RALGPS1: variants seen among roughly 807,000 people sequenced by gnomAD.
RALGPS1 encodes ras-specific guanine nucleotide-releasing factor RalGPS1.
A neutral mutation model predicts 78.8 loss-of-function variants in RALGPS1; 19 were observed. The observed-to-expected ratio is 0.24, with a 90% CI of 0.17 to 0.35. The LOEUF (loss-of-function observed/expected upper bound fraction) is 0.35. RALGPS1 is among the 10% of genes least tolerant of loss of function. The probability of loss-of-function intolerance (pLI) is 1.00; values close to 1 mark genes in which losing one functional copy is unlikely to be tolerated. For missense variants in RALGPS1, 454 were observed against 688.3 expected (o/e 0.66, Z 3.81); for synonymous variants, 228 against 256.3 (o/e 0.89, Z 1.06).
intron 8 of RALGPS1, among the ~76,000 whole-genome samples, chr9:127,101,108 G>T (rs1404117205): frequency 6.6e-6 from 1 of 152,100 alleles, no homozygotes; most frequent in African/African-American, 2.4e-5. Flanking sequence ...CCCAACCCCA[G>T]GAAAGCTACT....
chr9:127,066,259 G>T (rs1199258889), intron 7 of RALGPS1, among the ~76,000 whole-genome samples: 1 of 152,212 alleles, frequency 6.6e-6, no homozygotes, highest in African/African-American at 2.4e-5. Flanking sequence ...TTTAATGGCT[G>T]GCATTGCCAA....
intron 7 of RALGPS1, among the ~76,000 whole-genome samples, chr9:127,060,957 G>A (rs901712210): frequency 6.6e-6 from 1 of 152,170 alleles, no homozygotes; most frequent in Non-Finnish European, 1.5e-5. Flanking sequence ...TAACCATCAT[G>A]TGGATTTCCA....
intron 17 of RALGPS1, among the ~76,000 whole-genome samples, chr9:127,214,339 A>T (rs545703386): frequency 1.5e-4 from 23 of 152,316 alleles, no homozygotes; most frequent in African/African-American, 5.3e-4. Context: ...AATGTCACTT[A>T]TGCTCATCTC....
intron 8 of RALGPS1, among the ~76,000 whole-genome samples, chr9:127,086,278 T>A (rs1409857414): frequency 6.6e-6 from 1 of 152,178 alleles, no homozygotes; most frequent in Non-Finnish European, 1.5e-5. Context: ...TATAAGTGCA[T>A]TTACAATTTT....
chr9:126,982,539 C>G (rs2041343543), intron 4 of RALGPS1, among the ~76,000 whole-genome samples: 1 of 152,200 alleles, frequency 6.6e-6, no homozygotes, highest in Non-Finnish European at 1.5e-5. Flanking sequence ...GTAGTGCATA[C>G]CAGGCATTGT....
chr9:127,174,434 C>T (rs903033621), intron 10 of RALGPS1, among the ~76,000 whole-genome samples: 2 of 152,218 alleles, frequency 1.3e-5, no homozygotes, highest in Non-Finnish European at 2.9e-5. Flanking sequence ...AACCTCACCA[C>T]TCCTCAGTTT....
intron 7 of RALGPS1, 58 bp downstream of exon 7, chr9:127,052,997 T>A: frequency 8.5e-7 from 1 of 1,180,620 alleles, no homozygotes; most frequent in South Asian, 1.2e-5. Context: ...GGTGAAGTTC[T>A]TCATTCCACA....
chr9:126,965,792 T>C, intron 2 of RALGPS1, 52 bp from the exon 3 acceptor site: 1 of 1,418,862 alleles, frequency 7.0e-7, no homozygotes, highest in Admixed American at 1.7e-5. Flanking sequence ...TGGGAGGCAA[T>C]GATTCCACGT....
At chr9:127,078,290 G>A (rs979231496) in intron 8 of RALGPS1, among the ~76,000 whole-genome samples, 15 of 152,044 alleles carry the variant, frequency 9.9e-5, no homozygotes, top group African/African-American at 3.1e-4. Flanking sequence ...TGCAATCTCC[G>A]GATTTGTTAC....
intron 8 of RALGPS1, chr9:127,088,627 T>C: frequency 2.4e-6 from 1 of 412,676 alleles, no homozygotes; most frequent in African/African-American, 2.0e-5. Flanking sequence ...TACACATGTA[T>C]ATTATGAAGG....
intron 8 of RALGPS1, among the ~76,000 whole-genome samples, chr9:127,127,714 A>G (rs1298048382): frequency 6.6e-6 from 1 of 152,234 alleles, no homozygotes; most frequent in African/African-American, 2.4e-5. Context: ...AAACCATATG[A>G]GTGAAATATT....
At chr9:127,176,449 T>G (rs947519586) in intron 11 of RALGPS1, among the ~76,000 whole-genome samples, 8 of 152,212 alleles carry the variant, frequency 5.3e-5, no homozygotes, top group African/African-American at 1.9e-4. Flanking sequence ...ATCAGAAGAC[T>G]GTAGGAGACA....
intron 11 of RALGPS1, among the ~76,000 whole-genome samples, chr9:127,175,007 A>G (rs2059776164): frequency 6.6e-6 from 1 of 152,184 alleles, no homozygotes; most frequent in South Asian, 2.1e-4. Flanking sequence ...CCTGAGTGTT[A>G]GAGCCTGGGC....
chr9:127,034,734 A>G (rs1476893867), intron 5 of RALGPS1, among the ~76,000 whole-genome samples: 1 of 152,176 alleles, frequency 6.6e-6, no homozygotes, highest in African/African-American at 2.4e-5. Context: ...AAATCACTTC[A>G]GTGACTTCCA....
rs185144146 is a variant in RALGPS1 at position 126,937,956 on chromosome 9, G to T, written c.-66+22981G>T. ...AGATGGATAAAACCAGTGTCAGGAA[G>T]TGAATGGGGGAGGTGGGTGCTCCTT... On this transcript the variant is annotated intron_variant, in intron 1 of 18. Coordinates refer to ENST00000259351, the MANE Select transcript of RALGPS1 (RefSeq NM_014636.3). Among the ~76,000 whole-genome samples, 772 of 152,346 alleles carry T rather than the reference G, an allele frequency of 5.1e-3. 4 individuals are homozygous for T. The highest frequency in any genetic ancestry group is 6.2e-3 in the Non-Finnish European group (425 of 68,032).
chr9:127,179,348 G>A (rs977847415), intron 11 of RALGPS1, among the ~76,000 whole-genome samples: 3 of 152,218 alleles, frequency 2.0e-5, no homozygotes, highest in Non-Finnish European at 4.4e-5. Flanking sequence ...CTGGGGTCCT[G>A]GGAAGGGTGG....
At chr9:127,044,864 T>G (rs1297899711) in intron 5 of RALGPS1, among the ~76,000 whole-genome samples, 1 of 152,228 alleles carries the variant, frequency 6.6e-6, no homozygotes, top group African/African-American at 2.4e-5. Context: ...CTTTTCTCTT[T>G]TCTTCCTCCT....
At chr9:127,162,802 G>A (rs2139493660) in intron 8 of RALGPS1, among the ~76,000 whole-genome samples, 1 of 152,274 alleles carries the variant, frequency 6.6e-6, no homozygotes. Flanking sequence ...GGCAGCACAG[G>A]GTGCACCTTT....
intron 8 of RALGPS1, among the ~76,000 whole-genome samples, chr9:127,153,585 C>T (rs1329398504): frequency 6.6e-6 from 1 of 152,008 alleles, no homozygotes; most frequent in Non-Finnish European, 1.5e-5. Flanking sequence ...ATGATGGCGG[C>T]GCACATCACT....
Sources: allele counts gnomAD v4.1 joint callset (sites outside exome capture counted in the v4.1 genomes callset), GRCh38; gene constraint gnomAD v4.1.1; transcripts MANE v1.5; gene names NCBI Gene and HGNC (gene_info 2026-07-23, HGNC 2026-07-21).